The following MACF1 variants were observed in gnomAD, a reference collection of about 807,000 sequenced individuals.
MACF1 encodes the protein microtubule actin crosslinking factor 1.
In MACF1, 193 loss-of-function variants were observed where a neutral mutation model predicts 854.8. The observed-to-expected ratio is 0.23, with a 90% CI of 0.20 to 0.25. The LOEUF is 0.25. Among genes scored for constraint, MACF1 ranks in the 10% least tolerant of loss-of-function variants. The probability of loss-of-function intolerance (pLI) is 1.00; values close to 1 mark genes in which losing one functional copy is unlikely to be tolerated. For missense variants in MACF1, 7,722 were observed against 8,929.1 expected, an observed-to-expected ratio of 0.86 and a Z score of 5.45; for synonymous variants, 3,185 against 3,226.7, an observed-to-expected ratio of 0.99 and a Z score of 0.44.
chr1:39,377,878 C>A (rs1025390615), intron 52 of MACF1, among the ~76,000 whole-genome samples: 1 of 151,988 alleles, frequency 6.6e-6, no homozygotes, highest in Non-Finnish European at 1.5e-5. Flanking sequence ...GTGGCAGGCG[C>A]CTGTAATCCC....
chr1:39,140,129 G>A (rs186680132), intron 2 of MACF1, among the ~76,000 whole-genome samples: 16 of 151,782 alleles, frequency 1.1e-4, no homozygotes, highest in African/African-American at 3.9e-4. Context: ...AAATTTTTGT[G>A]TTTTTTGTAG....
In MACF1 at chr1:39,098,533, T is replaced by C. The variant is rs930687754; in HGVS notation, c.220+14095T>C. ...TCTCTACTGTGCCTTGGGAAGCCGG[T>C]GCGGTGAGGCCTTCCACGCCCCTTT... On this transcript the variant is annotated intron_variant, in intron 2 of 93. Coordinates refer to the MACF1 transcript ENST00000361689. Among the ~76,000 whole-genome samples the C allele has an allele frequency of 7.2e-5, 11 of 152,194 alleles. 1 individual carries two copies. The highest frequency in any genetic ancestry group is 5.9e-4 in the Admixed American group (9 of 15,284).
At chr1:39,088,768 G>A (rs1641736469) in intron 2 of MACF1, among the ~76,000 whole-genome samples, 1 of 152,230 alleles carries the variant, frequency 6.6e-6, no homozygotes, top group Non-Finnish European at 1.5e-5. Context: ...CAGGGTGCAA[G>A]ACAGGGTGTC....
At chr1:39,353,450 T>C (rs146474862) in intron 44 of MACF1, among the ~76,000 whole-genome samples, 138 of 152,332 alleles carry the variant, frequency 9.1e-4, no homozygotes, top group African/African-American at 3.1e-3. Flanking sequence ...TACTTTCCTC[T>C]GGCCAGGTTT....
At chr1:39,107,733 G>T (rs1032315857) in intron 2 of MACF1, among the ~76,000 whole-genome samples, 19 of 152,196 alleles carry the variant, frequency 1.2e-4, no homozygotes, top group African/African-American at 4.6e-4. Context: ...ATCATGCCAC[G>T]TATTGGTTTT....
intron 89 of MACF1, among the ~76,000 whole-genome samples, chr1:39,455,951 G>C (rs1644428331): frequency 6.6e-6 from 1 of 152,154 alleles, no homozygotes; most frequent in African/African-American, 2.4e-5. Context: ...AATTACCCCA[G>C]CAAGTGAGAA....
rs569917480 is a variant in MACF1 at position 39,223,710 on chromosome 1, G to T, written c.110-7472G>T. On this transcript the variant is annotated intron_variant, in intron 1 of 100. Transcript: ENST00000564288. ...TTTTGTATTTTTAGTAGAGACAGGG[G>T]TTCACCAAGTAGGCCGGGCTGGTTT... Among the ~76,000 whole-genome samples, 303 of 151,916 alleles carry T rather than the reference G, an allele frequency of 2.0e-3. 2 individuals carry two copies. Among genetic ancestry groups the T allele is most frequent in the African/African-American group, 7.1e-3 (293 of 41,408 alleles).
At chr1:39,438,082 C>A in intron 71 of MACF1, 74 bp downstream of exon 71, 2 of 1,335,280 alleles carry the variant, frequency 1.5e-6, no homozygotes, top group Non-Finnish European at 2.1e-6. Flanking sequence ...CAGCATCCCA[C>A]CAGATTTATT....
At position 39,440,792 on chromosome 1, in the gene MACF1, G is replaced by A. The variant is rs1644099308; in HGVS notation, c.18448-211G>A. On this transcript the variant is annotated intron_variant, in intron 72 of 100. Transcript: ENST00000564288. ...TGAACCTCACCATACCTTTTCTATA[G>A]TATTTTATATATACATATACCTATA... Among the ~76,000 whole-genome samples the A allele has an allele frequency of 3.9e-5, 6 of 151,988 alleles. 1 individual carries two copies. The highest frequency in any genetic ancestry group is 1.4e-4 in the African/African-American group (6 of 41,448).
intron 79 of MACF1, among the ~76,000 whole-genome samples, chr1:39,444,050 T>G (rs924134431): frequency 2.6e-5 from 4 of 152,206 alleles, no homozygotes; most frequent in Admixed American, 2.6e-4. Context: ...AAAATGTTTT[T>G]CTTGGCCGAG....
intron 2 of MACF1, among the ~76,000 whole-genome samples, chr1:39,156,043 G>A (rs1369082604): frequency 2.6e-5 from 4 of 152,006 alleles, no homozygotes; most frequent in Admixed American, 1.3e-4. Flanking sequence ...GCCCGCCACC[G>A]CACCCAGCTA....
intron 6 of MACF1, among the ~76,000 whole-genome samples, chr1:39,266,895 A>G (rs1645239123): frequency 6.6e-6 from 1 of 152,186 alleles, no homozygotes; most frequent in South Asian, 2.1e-4. Flanking sequence ...CGACTTTTAC[A>G]GTCTGAAATT....
At chr1:39,428,356 T>A in intron 63 of MACF1, 69 bp downstream of exon 63, 3 of 1,407,602 alleles carry the variant, frequency 2.1e-6, no homozygotes, top group Non-Finnish European at 2.8e-6. Context: ...ATGTTTCTCT[T>A]CATTTATTTT....
chr1:39,145,384 C>G (rs1176522333), intron 2 of MACF1, among the ~76,000 whole-genome samples: 1 of 152,166 alleles, frequency 6.6e-6, no homozygotes, highest in Non-Finnish European at 1.5e-5. Flanking sequence ...AGGCAGGTCT[C>G]TGGGCATATA....
intron 2 of MACF1, among the ~76,000 whole-genome samples, chr1:39,187,976 C>T (rs1350539221): frequency 1.5e-5 from 1 of 65,536 alleles, no homozygotes; most frequent in African/African-American, 4.3e-5. Flanking sequence ...CTCTCCCCTC[C>T]TCTCCCCTCC....
At position 39,233,808 on chromosome 1, in the gene MACF1, T is replaced by TTTTTTTTTTTTTTTTA. The variant is rs755591226; in HGVS notation, c.171+2565_171+2566insTTTTTTTTTTTTTTTA. ...TTTTTTTTTTTTTTTATTTATTTTT[T>TTTTTTTTTTTTTTTTA]ATTGATAATTCTTGGGTGTTTCTCA... On this transcript the variant is annotated intron_variant, in intron 2 of 100. Coordinates refer to ENST00000564288, the MANE Select transcript of MACF1 (RefSeq NM_001394062.1). Among the ~76,000 whole-genome samples the TTTTTTTTTTTTTTTTA allele has an allele frequency of 3.6e-4, 24 of 65,842 alleles. 10 individuals carry two copies. Among genetic ancestry groups the TTTTTTTTTTTTTTTTA allele is most frequent in the East Asian group, 9.7e-4 (2 of 2,060 alleles). 43.2% of individuals were successfully genotyped at this position (65,842 alleles called of 152,430 possible). A position where few individuals can be genotyped will look rare whatever the true frequency, so the allele number is the denominator to read the frequency against.
rs1471883095 is a variant in MACF1 at position 39,261,261 on chromosome 1, CA to C, written c.528+3234del. On this transcript the variant is annotated intron_variant, in intron 6 of 100. Coordinates refer to ENST00000564288, the MANE Select transcript of MACF1 (RefSeq NM_001394062.1). ...CTGTAGTTAGCTAAATGTTTTAAAA[CA>C]CCTTTTTGGTTATAATTTCTATTGT... Among the ~76,000 whole-genome samples, 3 of 152,126 alleles carry C rather than the reference CA, an allele frequency of 2.0e-5. No homozygotes were observed. In the East Asian group the frequency reaches 5.8e-4, roughly 29 times the overall value.
intron 23 of MACF1, among the ~76,000 whole-genome samples, chr1:39,304,067 T>C (rs1210863358): frequency 4.6e-5 from 7 of 151,552 alleles, no homozygotes; most frequent in Middle Eastern, 3.4e-3. Flanking sequence ...ATGTGCACAA[T>C]GTGCAGGTTT....
In MACF1 at chr1:39,361,462, C is replaced by T. The variant is rs767840557; in HGVS notation, c.12556C>T (p.Leu4186=). The T allele has an allele frequency of 5.0e-6, 8 of 1,614,082 alleles. No homozygotes were observed. In the East Asian group the frequency reaches 1.6e-4, roughly 31 times the overall value. ...AGCAGACAGTACTACAGCAGCAGTGCTGCAGGGCAAACTGGCAGAGGTGAG... is the reference window on the plus strand; with the variant it reads ...AGCAGACAGTACTACAGCAGCAGTGTTGCAGGGCAAACTGGCAGAGGTGAG... ...ETADSTTAAV[L]QGKLAEVSQR... is the part of the protein sequence containing the mutation. Residue 4186 remains leucine (L), a synonymous_variant, in exon 49 of 101, where the codon CTG becomes TTG. Coordinates refer to ENST00000564288, the MANE Select transcript of MACF1 (RefSeq NM_001394062.1).
Sources: allele counts gnomAD v4.1 joint callset (sites outside exome capture counted in the v4.1 genomes callset), GRCh38; gene constraint gnomAD v4.1.1; transcripts MANE v1.5; gene names NCBI Gene and HGNC (gene_info 2026-07-23, HGNC 2026-07-21).